The following STK32B variants were observed in gnomAD, a reference collection of about 807,000 sequenced individuals.
The protein encoded by STK32B is serine/threonine-protein kinase 32B.
Under a neutral mutation model 52.6 loss-of-function variants are expected in STK32B, and 43 were observed. That is an observed-to-expected ratio of 0.82 (90% CI 0.64 to 1.05). The LOEUF (loss-of-function observed/expected upper bound fraction) is 1.05, where lower values mean the gene tolerates loss of function less well. STK32B is among the 50% of genes least tolerant of loss of function. STK32B has a pLI of 0.00. For synonymous variants in STK32B, 238 were observed against 204.3 expected (o/e 1.17, Z -1.41); for missense variants, 621 against 534.6 (o/e 1.16, Z -1.59).
intron 3 of STK32B, among the ~76,000 whole-genome samples, chr4:5,254,772 C>T (rs1261180602): frequency 6.6e-6 from 1 of 152,006 alleles, no homozygotes; most frequent in Non-Finnish European, 1.5e-5. Context: ...TGTTTTCTGG[C>T]CTCACAGGTG....
chr4:5,111,948 G>T (rs1352430282), intron 1 of STK32B, among the ~76,000 whole-genome samples: 2 of 152,092 alleles, frequency 1.3e-5, no homozygotes, highest in Non-Finnish European at 2.9e-5. Context: ...CATCATGCAG[G>T]TACCACTGTG....
intron 3 of STK32B, among the ~76,000 whole-genome samples, chr4:5,311,467 A>C (rs1425658287): frequency 6.6e-6 from 1 of 152,168 alleles, no homozygotes; most frequent in African/African-American, 2.4e-5. Flanking sequence ...AAAATAGGAG[A>C]ACAGTAGAGA....
intron 2 of STK32B, among the ~76,000 whole-genome samples, chr4:5,158,519 G>A (rs1275616871): frequency 1.3e-5 from 2 of 152,098 alleles, no homozygotes; most frequent in African/African-American, 2.4e-5. Context: ...GTTCGTAATT[G>A]TATACTTAGG....
At chr4:5,373,341 A>G (rs1247676280) in intron 4 of STK32B, among the ~76,000 whole-genome samples, 4 of 152,226 alleles carry the variant, frequency 2.6e-5, no homozygotes, top group African/African-American at 7.2e-5. Flanking sequence ...ATGTGATCCA[A>G]TGGTGTAGTT....
the STK32B span, among the ~76,000 whole-genome samples, chr4:5,029,718 C>G: frequency 6.6e-6 from 1 of 152,202 alleles, no homozygotes; most frequent in East Asian, 1.9e-4. Flanking sequence ...GACTCCCACC[C>G]AGGCGCCCAT....
chr4:5,316,081 A>G (rs1343275591), intron 3 of STK32B, among the ~76,000 whole-genome samples: 2 of 131,956 alleles, frequency 1.5e-5, no homozygotes, highest in African/African-American at 6.5e-5. Context: ...TGGAGAATAT[A>G]TATGTGTCTG....
intron 1 of STK32B, among the ~76,000 whole-genome samples, chr4:5,104,964 G>T (rs989588668): frequency 2.0e-5 from 3 of 152,312 alleles, no homozygotes; most frequent in African/African-American, 7.2e-5. Context: ...TTGAGTATAT[G>T]CCTAAGAGTG....
At chr4:5,159,921 A>C (rs1169445994) in intron 2 of STK32B, among the ~76,000 whole-genome samples, 1 of 151,874 alleles carries the variant, frequency 6.6e-6, no homozygotes, top group Non-Finnish European at 1.5e-5. Context: ...TGAGCTGCAG[A>C]TCAAGTCTGA....
chr4:5,076,643 G>T (rs753756574), intron 1 of STK32B, among the ~76,000 whole-genome samples: 19 of 152,028 alleles, frequency 1.2e-4, no homozygotes, highest in Admixed American at 1.0e-3. Context: ...TCTGCATTTC[G>T]CATCTTTTCA....
chr4:5,255,183 A>G (rs1214151272), intron 3 of STK32B, among the ~76,000 whole-genome samples: 1 of 152,194 alleles, frequency 6.6e-6, no homozygotes, highest in East Asian at 1.9e-4. Flanking sequence ...GGAAATGAAC[A>G]TGCTTCTCTG....
chr4:5,267,329 A>G (rs2134581), intron 3 of STK32B, among the ~76,000 whole-genome samples: 26,042 of 152,110 alleles, frequency 0.17, 4,389 homozygotes, highest in African/African-American at 0.43. Flanking sequence ...AATAAAAGGA[A>G]AAACATTTAT....
chr4:5,413,255 G>A (rs533164750), intron 5 of STK32B, among the ~76,000 whole-genome samples: 1 of 152,288 alleles, frequency 6.6e-6, no homozygotes, highest in East Asian at 1.9e-4. Flanking sequence ...GTCAGTAAGG[G>A]TCTGCATCAG....
chr4:5,118,600 C>T (rs1313087366), intron 1 of STK32B, among the ~76,000 whole-genome samples: 1 of 152,168 alleles, frequency 6.6e-6, no homozygotes, highest in Non-Finnish European at 1.5e-5. Flanking sequence ...GCTGAGCCAC[C>T]TCCTTTGCAT....
chr4:5,086,489 C>G (rs573446978), intron 1 of STK32B, among the ~76,000 whole-genome samples: 5 of 151,952 alleles, frequency 3.3e-5, no homozygotes, highest in Non-Finnish European at 7.4e-5. Flanking sequence ...TCAAGTGTAG[C>G]AACCATAATG....
At chr4:5,242,823 A>G (rs1725133080) in intron 3 of STK32B, among the ~76,000 whole-genome samples, 1 of 152,194 alleles carries the variant, frequency 6.6e-6, no homozygotes, top group African/African-American at 2.4e-5. Flanking sequence ...AGCACCATTT[A>G]TTAAATAGAG....
chr4:5,498,347 C>T (rs756664338), intron 11 of STK32B, among the ~76,000 whole-genome samples: 7 of 152,190 alleles, frequency 4.6e-5, no homozygotes, highest in Non-Finnish European at 5.9e-5. Context: ...CGGAATCATA[C>T]CCCCTCAACA....
chr4:5,206,812 C>T (rs1023021150), intron 3 of STK32B, among the ~76,000 whole-genome samples: 1 of 152,154 alleles, frequency 6.6e-6, no homozygotes, highest in African/African-American at 2.4e-5. Flanking sequence ...TGGGAGAGAA[C>T]AAGTTCAGGG....
intron 3 of STK32B, among the ~76,000 whole-genome samples, chr4:5,247,257 C>G (rs28847048): frequency 5.3e-5 from 8 of 152,078 alleles, no homozygotes; most frequent in Non-Finnish European, 1.0e-4. Flanking sequence ...TTTACCTACT[C>G]AAGCCTGAGC....
intron 2 of STK32B, among the ~76,000 whole-genome samples, chr4:5,142,709 A>G (rs1716569482): frequency 6.6e-6 from 1 of 152,226 alleles, no homozygotes; most frequent in African/African-American, 2.4e-5. Context: ...ACAGTAAATT[A>G]TGACACAGTA....
Sources: gnomAD v4.1 joint callset for allele counts (sites outside exome capture counted in the v4.1 genomes callset) on GRCh38, gnomAD v4.1.1 for gene constraint, MANE v1.5 for transcripts, NCBI Gene and HGNC (gene_info 2026-07-23, HGNC 2026-07-21) for gene names.